The following DDRGK1 variants were observed in gnomAD, a reference collection of about 807,000 sequenced individuals.
DDRGK1 encodes the protein DDRGK domain-containing protein 1.
In DDRGK1, 38 loss-of-function variants were observed where a neutral mutation model predicts 45.8. The observed-to-expected ratio is 0.83, with a 90% confidence interval of 0.64 to 1.09. The LOEUF is 1.09. Among genes scored for constraint, DDRGK1 ranks in the 50% least tolerant of loss-of-function variants. The pLI, the probability that DDRGK1 is intolerant of heterozygous loss-of-function variation, is 0.00. For synonymous variants in DDRGK1, 171 were observed against 168.7 expected (o/e 1.01, Z -0.11); for missense variants, 403 against 419.9 (o/e 0.96, Z 0.35).
At chr20:3,204,431 GC>G in intron 1 of DDRGK1, 105 bp downstream of exon 1, 1 of 1,202,846 alleles carries the variant, frequency 8.3e-7, no homozygotes. Flanking sequence ...CATGCGTCCC[GC>G]CCGCCCAGGT....
intron 6 of DDRGK1, among the ~76,000 whole-genome samples, chr20:3,192,206 C>T (rs947710706): frequency 6.6e-5 from 10 of 152,122 alleles, no homozygotes; most frequent in East Asian, 1.9e-4. Context: ...TTCAAGGGGA[C>T]GCACCATAGG....
chr20:3,201,364 C>T (rs941915359), intron 2 of DDRGK1, among the ~76,000 whole-genome samples: 5 of 147,066 alleles, frequency 3.4e-5, no homozygotes, highest in African/African-American at 1.0e-4. Context: ...GACGCTGAAG[C>T]AGGAGAATGG....
chr20:3,204,184 G>A (rs1314563567), intron 1 of DDRGK1, among the ~76,000 whole-genome samples: 2 of 152,178 alleles, frequency 1.3e-5, no homozygotes, highest in East Asian at 1.9e-4. Flanking sequence ...GGGAGGAATG[G>A]AAAACCCCTG....
intron 2 of DDRGK1, 111 bp downstream of exon 2, chr20:3,203,102 C>T (rs373585091): frequency 7.6e-6 from 8 of 1,052,314 alleles, no homozygotes; most frequent in Middle Eastern, 2.8e-4. Flanking sequence ...GGCTCCCAGA[C>T]GTCCCTCCTA....
At position 3,190,570 on chromosome 20, in the gene DDRGK1, C is replaced by A. The variant is rs940163205; in HGVS notation, c.*83G>T. 1 of 1,529,826 alleles carries A rather than the reference C, an allele frequency of 6.5e-7. No individual in the cohort carries two copies. The highest frequency in any genetic ancestry group is 1.8e-5 in the Admixed American group (1 of 55,398). 94.8% of individuals were successfully genotyped at this position (1,529,826 alleles called of 1,614,324 possible). Reference sequence around the variant, plus strand: ...CTATAACTGCCTGGCCACACCATCACTTCCCCAGGATGGTGGGGAGGGATG... The same window carrying A: ...CTATAACTGCCTGGCCACACCATCAATTCCCCAGGATGGTGGGGAGGGATG... On this transcript the variant is annotated 3_prime_UTR_variant, in exon 9 of 9. Coordinates refer to ENST00000354488, the MANE Select transcript of DDRGK1 (RefSeq NM_023935.3).
chr20:3,199,475 C>G (rs1375555736), intron 4 of DDRGK1, among the ~76,000 whole-genome samples: 1 of 152,244 alleles, frequency 6.6e-6, no homozygotes, highest in Non-Finnish European at 1.5e-5. Context: ...TAGGGCAGCC[C>G]TGGCTCTAAC....
intron 6 of DDRGK1, among the ~76,000 whole-genome samples, chr20:3,192,215 G>A (rs2066992741): frequency 6.6e-6 from 1 of 152,128 alleles, no homozygotes; most frequent in Non-Finnish European, 1.5e-5. Flanking sequence ...ACGCACCATA[G>A]GGAGGAAGGA....
In DDRGK1 at chr20:3,193,064, G is replaced by A. The variant is rs76284374; in HGVS notation, c.673-1243C>T. Among the ~76,000 whole-genome samples the A allele has an allele frequency of 8.9e-4, 135 of 152,258 alleles. 8 individuals carry two copies. In the East Asian group the frequency reaches 0.025, roughly 28 times the overall value. On this transcript the variant is annotated intron_variant, in intron 6 of 8. Transcript: ENST00000354488. ...TGAGGTGCTGCTGGGGCCAAAACAC[G>A]TTTGATAAAACAAGCTAGGTGTGGT...
intron 6 of DDRGK1, 97 bp downstream of exon 6, chr20:3,194,733 A>C: frequency 6.6e-7 from 1 of 1,516,748 alleles, no homozygotes; most frequent in Non-Finnish European, 9.1e-7. Context: ...CTCCTGCATG[A>C]GCCTGAATGC....
At chr20:3,200,531 C>T in intron 2 of DDRGK1, 77 bp from the exon 3 acceptor site, 1 of 1,317,670 alleles carries the variant, frequency 7.6e-7, no homozygotes, top group Non-Finnish European at 1.1e-6. Flanking sequence ...ACCCCTCGTC[C>T]CTCCCCTAAC....
chr20:3,197,413 C>T (rs1420207720), intron 4 of DDRGK1, among the ~76,000 whole-genome samples: 3 of 152,066 alleles, frequency 2.0e-5, no homozygotes. Flanking sequence ...AGTCACATTA[C>T]AGTGGAGAAA....
In DDRGK1 at chr20:3,195,141, G is replaced by A. The variant is rs2067004556; in HGVS notation, c.633+90C>T. 1.9e-6 allele frequency: 3 copies of A among 1,597,914 alleles called. No individual in the cohort carries two copies. In the South Asian group the frequency reaches 3.4e-5, roughly 18 times the overall value. On this transcript the variant is annotated intron_variant, in intron 5 of 8. Coordinates refer to ENST00000354488, the MANE Select transcript of DDRGK1 (RefSeq NM_023935.3). ...CACCCACCTCTCACTGCCTGGCCAGGGGCGTCTGGGATGGGGTGGCTAGCC... is the reference window on the plus strand; with the variant it reads ...CACCCACCTCTCACTGCCTGGCCAGAGGCGTCTGGGATGGGGTGGCTAGCC...
intron 6 of DDRGK1, 81 bp from the exon 7 acceptor site, chr20:3,191,902 T>G: frequency 7.1e-7 from 1 of 1,401,434 alleles, no homozygotes; most frequent in Non-Finnish European, 9.7e-7. Flanking sequence ...AGGTTTGCAT[T>G]CTGATCTGAT....
intron 7 of DDRGK1, chr20:3,191,533 G>C: frequency 1.4e-6 from 1 of 722,924 alleles, no homozygotes; most frequent in Non-Finnish European, 2.5e-6. Flanking sequence ...GGGCTGCTTT[G>C]GTCACAGGGG....
At chr20:3,191,167 G>A in intron 8 of DDRGK1, 23 bp downstream of exon 8, 1 of 1,614,112 alleles carries the variant, frequency 6.2e-7, no homozygotes, top group South Asian at 1.1e-5. Context: ...CAGGACTGCA[G>A]TGATTGGCTC....
At chr20:3,202,489 C>T (rs1431015343) in intron 2 of DDRGK1, among the ~76,000 whole-genome samples, 1 of 152,180 alleles carries the variant, frequency 6.6e-6, no homozygotes, top group East Asian at 1.9e-4. Flanking sequence ...GCCCATCAAA[C>T]CCTGGCTGAA....
intron 8 of DDRGK1, 131 bp downstream of exon 8, chr20:3,191,059 C>T: frequency 7.9e-7 from 1 of 1,271,680 alleles, no homozygotes; most frequent in Admixed American, 2.0e-5. Flanking sequence ...TCCAGCTACT[C>T]AGTGCCCCTC....
chr20:3,190,520 T>C lies in DDRGK1; in HGVS notation c.*133A>G. ...TCTGCCACACCAAGCCACACCAAGC[T>C]CAGCAGTACTCACAGGCCTTTAATC... is the stretch of plus-strand genomic sequence containing the variant. On this transcript the variant is annotated 3_prime_UTR_variant, in exon 9 of 9. Transcript: ENST00000354488. The C allele has an allele frequency of 1.7e-6, 2 of 1,156,118 alleles. No individual in the cohort carries two copies. The highest frequency in any genetic ancestry group is 2.4e-6 in the Non-Finnish European group (2 of 816,412). 71.6% of individuals were successfully genotyped at this position (1,156,118 alleles called of 1,614,324 possible). A position where few individuals can be genotyped will look rare whatever the true frequency, so the allele number is the denominator to read the frequency against.
At chr20:3,203,072 C>A in intron 2 of DDRGK1, 141 bp downstream of exon 2, 2 of 736,832 alleles carry the variant, frequency 2.7e-6, no homozygotes, top group Non-Finnish European at 2.1e-6. Context: ...GGTCCCAAGT[C>A]CCCCCCTACT....
Sources: allele counts gnomAD v4.1 joint callset (sites outside exome capture counted in the v4.1 genomes callset), GRCh38; gene constraint gnomAD v4.1.1; transcripts MANE v1.5; gene names NCBI Gene and HGNC (gene_info 2026-07-23, HGNC 2026-07-21).